The following WWP2 variants were observed in gnomAD, a reference collection of about 807,000 sequenced individuals.
WWP2 encodes WW domain containing E3 ubiquitin protein ligase 2.
A neutral mutation model predicts 121.0 loss-of-function variants in WWP2; 57 were observed. That is an observed-to-expected ratio of 0.47 (90% CI 0.38 to 0.59). WWP2 has a LOEUF of 0.59. Among genes scored for constraint, WWP2 ranks in the 20% least tolerant of loss-of-function variants. WWP2 has a pLI of 0.00. For synonymous variants in WWP2, 449 were observed against 441.3 expected (o/e 1.02, Z -0.22); for missense variants, 962 against 1,158.9 (o/e 0.83, Z 2.47).
intron 6 of WWP2, 128 bp downstream of exon 6, chr16:69,842,248 C>A (rs1027132136): frequency 3.4e-6 from 3 of 878,398 alleles, no homozygotes; most frequent in Admixed American, 2.5e-5. Context: ...TTGTAACTGA[C>A]TCAGTAGTTA....
At chr16:69,769,337 AAT>A (rs1234053555) in intron 1 of WWP2, among the ~76,000 whole-genome samples, 2 of 151,378 alleles carry the variant, frequency 1.3e-5, no homozygotes, top group Admixed American at 6.6e-5. Context: ...AAAAAAAAAA[AAT>A]AGAAGTGGGT....
intron 9 of WWP2, among the ~76,000 whole-genome samples, chr16:69,915,851 C>A (rs914219651): frequency 1.3e-5 from 2 of 151,862 alleles, no homozygotes; most frequent in Non-Finnish European, 2.9e-5. Context: ...CTGAGCCACA[C>A]GGGGAGGCTT....
intron 8 of WWP2, among the ~76,000 whole-genome samples, chr16:69,899,175 T>C (rs2058156831): frequency 1.3e-5 from 2 of 152,212 alleles, no homozygotes; most frequent in African/African-American, 4.8e-5. Flanking sequence ...CATGTGTCTT[T>C]TGTGTTTTGT....
chr16:69,832,526 T>G (rs1190336582), intron 4 of WWP2, among the ~76,000 whole-genome samples: 1 of 152,190 alleles, frequency 6.6e-6, no homozygotes, highest in Non-Finnish European at 1.5e-5. Flanking sequence ...TGTAACCCTT[T>G]CATTTTATTT....
rs1271388130 is a variant in WWP2, at chr16:69,805,812, A to G, written c.340+6517A>G. On this transcript the variant is annotated intron_variant, in intron 4 of 23. Transcript: ENST00000359154. ...TTTTTTTTAGAGATGGTATCTCACT[A>G]TGTTGCCCAGGTTGGGTGTTGACTT... 2.8e-5 allele frequency among the ~76,000 whole-genome samples: 4 copies of G among 145,328 alleles called. No individual in the cohort carries two copies. The East Asian group carries it at 6.0e-4, about 22-fold the overall frequency.
chr16:69,806,083 C>G (rs2056269257), intron 4 of WWP2, among the ~76,000 whole-genome samples: 1 of 150,620 alleles, frequency 6.6e-6, no homozygotes, highest in African/African-American at 2.5e-5. Context: ...CGCCTGTAGT[C>G]CCACCTACTT....
chr16:69,866,188 T>A (rs1464966867), intron 6 of WWP2, among the ~76,000 whole-genome samples: 1 of 152,196 alleles, frequency 6.6e-6, no homozygotes, highest in Non-Finnish European at 1.5e-5. Flanking sequence ...TCCTGTCATT[T>A]TTTTGGACAG....
At chr16:69,857,325 C>A (rs2057335494) in intron 6 of WWP2, among the ~76,000 whole-genome samples, 1 of 152,140 alleles carries the variant, frequency 6.6e-6, no homozygotes, top group African/African-American at 2.4e-5. Context: ...GAACTCCTGA[C>A]CTCGTGATCC....
intron 1 of WWP2, among the ~76,000 whole-genome samples, chr16:69,779,504 T>G (rs1487093437): frequency 2.0e-5 from 3 of 152,226 alleles, no homozygotes; most frequent in Non-Finnish European, 4.4e-5. Flanking sequence ...TTCTGAGCCT[T>G]CTTTAGAATT....
intron 2 of WWP2, among the ~76,000 whole-genome samples, chr16:69,791,964 G>T (rs1415347194): frequency 6.7e-6 from 1 of 149,504 alleles, no homozygotes; most frequent in Non-Finnish European, 1.5e-5. Context: ...TAATACTGGT[G>T]TATCTCATTA....
At chr16:69,777,628 A>G (rs185927782) in intron 1 of WWP2, among the ~76,000 whole-genome samples, 35 of 151,812 alleles carry the variant, frequency 2.3e-4, no homozygotes, top group African/African-American at 8.2e-4. Context: ...AAATCTTTTT[A>G]TTTATTATAG....
intron 7 of WWP2, among the ~76,000 whole-genome samples, chr16:69,872,831 C>T (rs949665773): frequency 6.6e-6 from 1 of 152,192 alleles, no homozygotes; most frequent in Admixed American, 6.5e-5. Flanking sequence ...GTAAGTGAGA[C>T]GGGAAGGACC....
intron 4 of WWP2, among the ~76,000 whole-genome samples, chr16:69,821,240 G>A (rs747421802): frequency 2.0e-5 from 3 of 152,156 alleles, no homozygotes; most frequent in Non-Finnish European, 4.4e-5. Context: ...GATGCCAAAA[G>A]CAACCCCCTC....
At chr16:69,846,848 GT>G (rs2057090577) in intron 6 of WWP2, among the ~76,000 whole-genome samples, 1 of 152,070 alleles carries the variant, frequency 6.6e-6, no homozygotes, top group Admixed American at 6.6e-5. Context: ...TGGTCATGTT[GT>G]TTCTTTGCCT....
intron 5 of WWP2, among the ~76,000 whole-genome samples, 162 bp downstream of exon 5, chr16:69,840,425 A>G (rs915758277): frequency 4.6e-5 from 7 of 152,260 alleles, no homozygotes; most frequent in Non-Finnish European, 8.8e-5. Flanking sequence ...GTGGATCAGT[A>G]TCACAACATG....
intron 4 of WWP2, among the ~76,000 whole-genome samples, chr16:69,817,783 C>A (rs113912441): frequency 6.6e-6 from 1 of 151,354 alleles, no homozygotes; most frequent in Non-Finnish European, 1.5e-5. Flanking sequence ...CTCAGCCTTC[C>A]GAGTAGCTGA....
rs891565140 is a variant in WWP2 at position 69,925,319 on chromosome 16, C to T, written c.1180-111C>T. On this transcript the variant is annotated intron_variant, in intron 10 of 23. Coordinates refer to ENST00000359154, the MANE Select transcript of WWP2 (RefSeq NM_001270454.2). The surrounding 1 kb of genome is among the most constrained non-coding windows in gnomAD (Gnocchi z 4.0). ...AAGTCCCACTGCATTCCCTGCAAAG[C>T]GCTCAAATGTGGAAGCCAGTCATTG... 17 of 1,538,174 alleles carry T rather than the reference C, an allele frequency of 1.1e-5. No homozygotes were observed. Among genetic ancestry groups the T allele is most frequent in the Admixed American group, 1.9e-5 (1 of 53,156 alleles).
In WWP2 at chr16:69,925,597, C is replaced by A; in HGVS notation, c.1234+113C>A. 2 of 1,366,034 alleles carry A rather than the reference C, an allele frequency of 1.5e-6. No homozygotes were observed. Among genetic ancestry groups the A allele is most frequent in the Non-Finnish European group, 2.0e-6 (2 of 1,000,004 alleles). 84.6% of individuals were successfully genotyped at this position (1,366,034 alleles called of 1,614,324 possible). On this transcript the variant is annotated intron_variant, in intron 11 of 23. Transcript: ENST00000359154. This position sits in a 1 kb window ranked among gnomAD's most constrained non-coding sequence, Gnocchi z 4.0. ...CCTGTCCCTCTGTTTTCCATCTCTC[C>A]CCTCTCCAGCACACTCTCTGGGCAT...
Position 69,940,760 on chromosome 16 carries a change from C to T in WWP2, c.*820C>T, listed in dbSNP as rs1285887318. 3.3e-5 allele frequency: 5 copies of T among 152,970 alleles called. No homozygotes were observed. The highest frequency in any genetic ancestry group is 2.1e-4 in the South Asian group (1 of 4,832). 9.5% of individuals were successfully genotyped at this position (152,970 alleles called of 1,614,324 possible). A position where few individuals can be genotyped will look rare whatever the true frequency, so the allele number is the denominator to read the frequency against. On this transcript the variant is annotated 3_prime_UTR_variant, in exon 24 of 24. Transcript: ENST00000359154. ...GGTCCAAGAGTTTCCCAAACAGCCA[C>T]GCCTCTCAGGAACCCACCTGGCGGT...
Sources: gnomAD v4.1 joint callset for allele counts (sites outside exome capture counted in the v4.1 genomes callset) on GRCh38, gnomAD v4.1.1 for gene constraint, Gnocchi (gnomAD v3.1) non-coding constraint, MANE v1.5 for transcripts, NCBI Gene and HGNC (gene_info 2026-07-23, HGNC 2026-07-21) for gene names.